WNT2B: variants seen among roughly 807,000 people sequenced by gnomAD.
The protein encoded by WNT2B is Wnt family member 2B.
In WNT2B, 19 loss-of-function variants were observed where a neutral mutation model predicts 40.5. That is an observed-to-expected ratio of 0.47 (90% CI 0.33 to 0.69). The LOEUF is 0.69. Ranked by LOEUF, WNT2B falls within the 30% of genes least tolerant of loss-of-function variation. WNT2B has a pLI of 0.02. For missense variants in WNT2B, 467 were observed against 556.4 expected (o/e 0.84, Z 1.62); for synonymous variants, 220 against 211.9 (o/e 1.04, Z -0.33).
intron 1 of WNT2B, among the ~76,000 whole-genome samples, chr1:112,500,207 T>C (rs925604944): frequency 6.6e-6 from 1 of 152,216 alleles, no homozygotes; most frequent in African/African-American, 2.4e-5. Flanking sequence ...CTGTCATGAA[T>C]GTACAATGGA....
intron 1 of WNT2B, among the ~76,000 whole-genome samples, chr1:112,510,487 C>T (rs1396669388): frequency 2.0e-5 from 3 of 151,900 alleles, no homozygotes; most frequent in East Asian, 1.9e-4. Context: ...TTCTTCTTCC[C>T]GTGCAAGCCC....
chr1:112,479,999 A>C (rs890409042), intron 1 of WNT2B, among the ~76,000 whole-genome samples: 24 of 151,938 alleles, frequency 1.6e-4, no homozygotes, highest in Non-Finnish European at 2.9e-4. Flanking sequence ...GACGTGAGCC[A>C]CTGCACCCAG....
chr1:112,518,514 G>A (rs1002548775), intron 4 of WNT2B: 1 of 152,282 alleles, frequency 6.6e-6, no homozygotes, highest in South Asian at 2.1e-4. Flanking sequence ...TTTGTAGGGT[G>A]CTAGAAGAAA....
chr1:112,491,089 A>T, intron 1 of WNT2B: 1 of 1,613,116 alleles, frequency 6.2e-7, no homozygotes, highest in Non-Finnish European at 8.5e-7. Flanking sequence ...AAGGTACATG[A>T]TAATTAAAAT....
At chr1:112,511,889 ATCTTTG>A (rs1652364805) in intron 1 of WNT2B, among the ~76,000 whole-genome samples, 1 of 152,236 alleles carries the variant, frequency 6.6e-6, no homozygotes, top group African/African-American at 2.4e-5. Flanking sequence ...TATGAGCATG[ATCTTTG>A]TCAATCTGAA....
At chr1:112,520,164 C>G (rs1652787802) in intron 4 of WNT2B, 116 bp from the exon 5 acceptor site, 8 of 1,013,410 alleles carry the variant, frequency 7.9e-6, no homozygotes, top group Non-Finnish European at 1.2e-5. Flanking sequence ...GAGTGAGCCA[C>G]TGTGCCCAGC....
intron 4 of WNT2B, 75 bp from the exon 5 acceptor site, chr1:112,520,205 T>C (rs559194747): frequency 7.1e-7 from 1 of 1,411,352 alleles, no homozygotes; most frequent in South Asian, 1.2e-5. Flanking sequence ...ATCTTCCTTC[T>C]GAGAATGTGG....
intron 1 of WNT2B, among the ~76,000 whole-genome samples, chr1:112,476,411 C>T (rs1651055241): frequency 6.6e-6 from 1 of 151,936 alleles, no homozygotes; most frequent in Non-Finnish European, 1.5e-5. Context: ...GAAGGTAATG[C>T]CCATCCCCCA....
In WNT2B at chr1:112,521,478, T is replaced by A. The variant is rs561929516; in HGVS notation, c.*969T>A. On this transcript the variant is annotated 3_prime_UTR_variant, in exon 5 of 5. Transcript: ENST00000369684. ...CAAGGGCCCACATGAGGCATCAGTATATATTAGGCAGGTAGGGATCTCTGG... is the reference window on the plus strand; with the variant it reads ...CAAGGGCCCACATGAGGCATCAGTAAATATTAGGCAGGTAGGGATCTCTGG... 65 of 152,308 alleles carry A rather than the reference T, an allele frequency of 4.3e-4. No individual in the cohort carries two copies. Among genetic ancestry groups the A allele is most frequent in the African/African-American group, 1.5e-3 (63 of 41,520 alleles). The allele number at this position is 152,308 out of a possible 1,614,324, so 9.4% of individuals were successfully genotyped here.
intron 1 of WNT2B, among the ~76,000 whole-genome samples, chr1:112,486,717 A>G (rs966596796): frequency 1.2e-4 from 18 of 152,302 alleles, no homozygotes; most frequent in Non-Finnish European, 2.2e-4. Flanking sequence ...CAAAAAAGAC[A>G]TACAGTAGGC....
At position 112,490,375 on chromosome 1, in the gene WNT2B, G is replaced by T. The variant is rs1048507476; in HGVS notation, c.-95+22784G>T. On this transcript the variant is annotated intron_variant, in intron 1 of 4. Transcript: ENST00000256640. ...GAAGCTGAGAGAAAGGCTTCTTAGG[G>T]ATTCTGTTTTCAATGTAACCTGTAC... Among the ~76,000 whole-genome samples the T allele has an allele frequency of 7.9e-5, 12 of 152,172 alleles. 1 individual carries two copies. Among genetic ancestry groups the T allele is most frequent in the African/African-American group, 2.9e-4 (12 of 41,440 alleles).
At chr1:112,472,559 G>GAA (rs35939097) in intron 1 of WNT2B, among the ~76,000 whole-genome samples, 5 of 89,138 alleles carry the variant, frequency 5.6e-5, no homozygotes, top group African/African-American at 7.5e-5. Context: ...CCCAACCAAT[G>GAA]AAAAAAAAAA....
rs1395862430 is a variant in WNT2B, at chr1:112,517,141, G to A, written c.702G>A (p.Lys234=). ...CGRTAVRRFL[K]LECKCHGVSG... ...CCCAGGCTGTGCGGCGGTTTCTGAA[G>A]CTGGAGTGTAAGTGCCATGGCGTGA... The change falls in exon 4 of 5, where the codon AAG becomes AAA. Residue 234 remains lysine, a synonymous_variant. Transcript: ENST00000369684. The A allele has an allele frequency of 2.5e-6, 4 of 1,611,886 alleles. No individual in the cohort carries two copies. The African/African-American group carries it at 4.0e-5, about 16-fold the overall frequency.
intron 1 of WNT2B, among the ~76,000 whole-genome samples, chr1:112,473,649 A>G (rs1425483503): frequency 6.6e-6 from 1 of 152,170 alleles, no homozygotes; most frequent in East Asian, 1.9e-4. Flanking sequence ...AAAGAAAAAT[A>G]TTTGAACAAA....
chr1:112,490,256 G>A (rs1651555079), intron 1 of WNT2B, among the ~76,000 whole-genome samples: 1 of 152,172 alleles, frequency 6.6e-6, no homozygotes, highest in South Asian at 2.1e-4. Context: ...ACAAGTAACT[G>A]TTGGAGAAAG....
At chr1:112,495,878 G>A (rs1196117416) in intron 1 of WNT2B, among the ~76,000 whole-genome samples, 1 of 152,156 alleles carries the variant, frequency 6.6e-6, no homozygotes, top group African/African-American at 2.4e-5. Context: ...GTCTGGTGAG[G>A]GCCAGGTGTC....
intron 1 of WNT2B, among the ~76,000 whole-genome samples, chr1:112,501,542 C>T (rs572280116): frequency 2.0e-5 from 3 of 152,270 alleles, no homozygotes; most frequent in Admixed American, 1.3e-4. Flanking sequence ...TCAGCATGGA[C>T]TCATGGGTAT....
chr1:112,489,628 T>C (rs970797858), intron 1 of WNT2B, among the ~76,000 whole-genome samples: 1 of 152,114 alleles, frequency 6.6e-6, no homozygotes, highest in Non-Finnish European at 1.5e-5. Context: ...AGCAATTCAC[T>C]CCCTTCTACC....
intron 1 of WNT2B, among the ~76,000 whole-genome samples, chr1:112,487,074 C>CCAT (rs1651440558): frequency 6.6e-6 from 1 of 152,078 alleles, no homozygotes. Flanking sequence ...ACCCAAATAG[C>CCAT]CATCAACAAG....
Sources: allele counts gnomAD v4.1 joint callset (sites outside exome capture counted in the v4.1 genomes callset), GRCh38; gene constraint gnomAD v4.1.1; transcripts MANE v1.5; gene names NCBI Gene and HGNC (gene_info 2026-07-23, HGNC 2026-07-21).